The following LMBR1 variants were observed in gnomAD, a reference collection of about 807,000 sequenced individuals.
The protein encoded by LMBR1 is limb region 1 protein homolog.
LMBR1 carries 52 observed loss-of-function variants against 73.9 expected under a neutral mutation model. That is an observed-to-expected ratio of 0.70 (90% CI 0.56 to 0.89). The LOEUF (loss-of-function observed/expected upper bound fraction) is 0.89, where lower values mean the gene tolerates loss of function less well. Ranked by LOEUF, LMBR1 falls within the 40% of genes least tolerant of loss-of-function variation. The pLI, the probability that LMBR1 is intolerant of heterozygous loss-of-function variation, is 0.00. For missense variants in LMBR1, 539 were observed against 579.8 expected (o/e 0.93, Z 0.72); for synonymous variants, 215 against 209.4 (o/e 1.03, Z -0.23).
chr7:156,674,815 A>G (rs1181819103), downstream of LMBR1, among the ~76,000 whole-genome samples: 1 of 152,262 alleles, frequency 6.6e-6, no homozygotes, highest in Non-Finnish European at 1.5e-5. Flanking sequence ...TGTGACTGCC[A>G]GAAATTTTAA....
chr7:156,703,848 A>G (rs529990535), intron 15 of LMBR1, among the ~76,000 whole-genome samples: 6 of 152,228 alleles, frequency 3.9e-5, no homozygotes, highest in African/African-American at 1.2e-4. Flanking sequence ...GCCACCTGAG[A>G]CACCCAAGTA....
At chr7:156,846,552 T>C (rs946762028) in intron 1 of LMBR1, among the ~76,000 whole-genome samples, 13 of 152,116 alleles carry the variant, frequency 8.5e-5, no homozygotes, top group African/African-American at 3.1e-4. Flanking sequence ...ACTTAATTAG[T>C]GGAGAGAGAT....
intron 5 of LMBR1, among the ~76,000 whole-genome samples, chr7:156,790,336 C>T (rs1828977893): frequency 6.6e-6 from 1 of 152,006 alleles, no homozygotes; most frequent in South Asian, 2.1e-4. Flanking sequence ...GGTGAGGCTA[C>T]TAAATCCCTC....
intron 4 of LMBR1, among the ~76,000 whole-genome samples, chr7:156,811,077 C>T (rs1197315692): frequency 6.6e-6 from 1 of 152,024 alleles, no homozygotes; most frequent in Non-Finnish European, 1.5e-5. Flanking sequence ...TCCCAAAGTG[C>T]CAGGATTACA....
At chr7:156,736,434 A>T (rs1344997920) in intron 9 of LMBR1, 1 of 432,310 alleles carries the variant, frequency 2.3e-6, no homozygotes. Flanking sequence ...TGATTTTTTT[A>T]AAGGTTTTAT....
rs895652110 is a variant in LMBR1 at position 156,777,089 on chromosome 7, G to A, written c.424-13294C>T. Among the ~76,000 whole-genome samples the A allele has an allele frequency of 7.2e-4, 110 of 151,996 alleles. 1 individual carries two copies. The highest frequency in any genetic ancestry group is 6.9e-4 in the Non-Finnish European group (47 of 68,014). Reference sequence around the variant, plus strand: ...TGGGACTACAGGCGCCAGCCACCACGCCCAGCTAATATTATCTCTGTATTT... The same window carrying A: ...TGGGACTACAGGCGCCAGCCACCACACCCAGCTAATATTATCTCTGTATTT... On this transcript the variant is annotated intron_variant, in intron 5 of 16. Transcript: ENST00000353442.
At chr7:156,830,882 T>C (rs1317983178) in intron 3 of LMBR1, among the ~76,000 whole-genome samples, 2 of 152,202 alleles carry the variant, frequency 1.3e-5, no homozygotes, top group Non-Finnish European at 2.9e-5. Flanking sequence ...TGCTAGGCAC[T>C]TGAGAACAGT....
rs1001685339 is a variant in LMBR1 at position 156,804,159 on chromosome 7, T to TA, written c.320-7668dup. The stretch of plus-strand genomic sequence containing the variant: ...AAAGTAGAATAATAATAAAATAAAA[T>TA]AAAAAAAAGATGGATTTTCTAGAAC... On this transcript the variant is annotated intron_variant, in intron 4 of 16. Coordinates refer to ENST00000353442, the MANE Select transcript of LMBR1 (RefSeq NM_022458.4). Among the ~76,000 whole-genome samples, 6 of 151,892 alleles carry TA rather than the reference T, an allele frequency of 4.0e-5. 1 individual carries two copies. The South Asian group carries it at 8.3e-4, about 21-fold the overall frequency.
chr7:156,708,423 T>C (rs1368449058), intron 15 of LMBR1, among the ~76,000 whole-genome samples: 2 of 152,038 alleles, frequency 1.3e-5, no homozygotes, highest in East Asian at 1.9e-4. Context: ...AGAGTTGAAA[T>C]AGATTCAGGG....
At chr7:156,712,627 G>C (rs1812317364) in intron 15 of LMBR1, among the ~76,000 whole-genome samples, 1 of 152,064 alleles carries the variant, frequency 6.6e-6, no homozygotes, top group Non-Finnish European at 1.5e-5. Context: ...GCCAATCAAT[G>C]GACAACTGGA....
At chr7:156,843,507 A>AT (rs1313471018) in intron 1 of LMBR1, among the ~76,000 whole-genome samples, 1 of 152,196 alleles carries the variant, frequency 6.6e-6, no homozygotes, top group Admixed American at 6.5e-5. Flanking sequence ...ATGTTTCTGA[A>AT]TTTTTTAAAA....
chr7:156,740,750 G>A (rs989197087), intron 9 of LMBR1, among the ~76,000 whole-genome samples: 1 of 152,174 alleles, frequency 6.6e-6, no homozygotes, highest in Non-Finnish European at 1.5e-5. Flanking sequence ...ATGCTAAAGG[G>A]AGTTCTTCAA....
At chr7:156,695,648 A>C (rs1345068353) in intron 15 of LMBR1, among the ~76,000 whole-genome samples, 2 of 152,166 alleles carry the variant, frequency 1.3e-5, no homozygotes, top group East Asian at 1.9e-4. Context: ...AACTGCCCCC[A>C]AAATCCAGTC....
At chr7:156,735,951 A>G (rs1817782429) in intron 9 of LMBR1, among the ~76,000 whole-genome samples, 1 of 152,240 alleles carries the variant, frequency 6.6e-6, no homozygotes, top group Non-Finnish European at 1.5e-5. Context: ...AGATAGAACC[A>G]GTAGGAAAAT....
At chr7:156,707,993 G>A (rs937261876) in intron 15 of LMBR1, among the ~76,000 whole-genome samples, 3 of 138,874 alleles carry the variant, frequency 2.2e-5, no homozygotes, top group East Asian at 2.1e-4. Flanking sequence ...TAAAGTTTCA[G>A]AATACAAAAT....
At chr7:156,732,393 G>A (rs1303613994) in intron 10 of LMBR1, among the ~76,000 whole-genome samples, 1 of 152,142 alleles carries the variant, frequency 6.6e-6, no homozygotes, top group Non-Finnish European at 1.5e-5. Flanking sequence ...CATGAAATGG[G>A]AATCTGGGGA....
chr7:156,813,001 T>C (rs1445357109), intron 4 of LMBR1, among the ~76,000 whole-genome samples: 2 of 152,216 alleles, frequency 1.3e-5, no homozygotes, highest in African/African-American at 4.8e-5. Flanking sequence ...AAAAACCTAG[T>C]CATTTCAGGT....
chr7:156,868,552 T>A (rs1484201871), intron 1 of LMBR1, among the ~76,000 whole-genome samples: 1 of 151,934 alleles, frequency 6.6e-6, no homozygotes, highest in East Asian at 1.9e-4. Context: ...CATGCACCTA[T>A]AATCTAATGC....
intron 1 of LMBR1, among the ~76,000 whole-genome samples, chr7:156,882,334 A>G (rs1465932126): frequency 6.6e-6 from 1 of 152,164 alleles, no homozygotes; most frequent in Non-Finnish European, 1.5e-5. Flanking sequence ...AGTCCCAGCT[A>G]CTTAGGAGGC....
Sources: gnomAD v4.1 joint callset for allele counts (sites outside exome capture counted in the v4.1 genomes callset) on GRCh38, gnomAD v4.1.1 for gene constraint, MANE v1.5 for transcripts, NCBI Gene and HGNC (gene_info 2026-07-23, HGNC 2026-07-21) for gene names.